Variants in NAALADL2 observed in about 807,000 individuals in gnomAD.
NAALADL2 encodes the protein N-acetylated alpha-linked acidic dipeptidase like 2.
A neutral mutation model predicts 87.2 loss-of-function variants in NAALADL2; 76 were observed. The observed-to-expected ratio is 0.87, with a 90% CI of 0.72 to 1.05. The LOEUF (loss-of-function observed/expected upper bound fraction) is 1.05, where lower values mean the gene tolerates loss of function less well. Among genes scored for constraint, NAALADL2 ranks in the 50% least tolerant of loss-of-function variants. The probability of loss-of-function intolerance (pLI) is 0.00; values close to 1 mark genes in which losing one functional copy is unlikely to be tolerated. For synonymous variants in NAALADL2, 354 were observed against 331.0 expected (o/e 1.07, Z -0.75); for missense variants, 1,089 against 945.8 (o/e 1.15, Z -1.99).
chr3:175,371,504 C>A (rs565132575), intron 5 of NAALADL2, among the ~76,000 whole-genome samples: 1 of 151,982 alleles, frequency 6.6e-6, no homozygotes, highest in African/African-American at 2.4e-5. Context: ...TATTTAGAAA[C>A]CATTCTGTGT....
intron 2 of NAALADL2, among the ~76,000 whole-genome samples, chr3:175,192,571 G>GT (rs1738370119): frequency 6.6e-6 from 1 of 151,902 alleles, no homozygotes; most frequent in Non-Finnish European, 1.5e-5. Flanking sequence ...TGCCTCCTGA[G>GT]TTTCAAATGG....
chr3:175,244,458 T>G (rs2109667378), intron 3 of NAALADL2, among the ~76,000 whole-genome samples: 1 of 152,310 alleles, frequency 6.6e-6, no homozygotes, highest in Non-Finnish European at 1.5e-5. Flanking sequence ...TTCTTTTTGG[T>G]AAATGTTGAG....
chr3:175,101,829 GT>G (rs1722255999), intron 2 of NAALADL2, among the ~76,000 whole-genome samples: 1 of 151,856 alleles, frequency 6.6e-6, no homozygotes, highest in Non-Finnish European at 1.5e-5. Context: ...AAAATGTGTT[GT>G]TTTCTAATTA....
At chr3:175,625,023 G>A (rs1726786466) in intron 10 of NAALADL2, among the ~76,000 whole-genome samples, 1 of 151,912 alleles carries the variant, frequency 6.6e-6, no homozygotes, top group Non-Finnish European at 1.5e-5. Flanking sequence ...GTATATTTGG[G>A]TAGAATTAAC....
At chr3:175,024,642 T>A (rs186534436) in intron 1 of NAALADL2, among the ~76,000 whole-genome samples, 1 of 152,266 alleles carries the variant, frequency 6.6e-6, no homozygotes, top group East Asian at 1.9e-4. Flanking sequence ...ATAAATTTTT[T>A]AACTAAATCT....
At chr3:174,787,335 T>C (rs963500160) in intron 3 of NAALADL2, among the ~76,000 whole-genome samples, 7 of 151,246 alleles carry the variant, frequency 4.6e-5, no homozygotes, top group African/African-American at 1.7e-4. Context: ...ATTTGTAGAC[T>C]TTGCAAAGCT....
At chr3:175,593,985 T>A (rs2149613249) in intron 10 of NAALADL2, among the ~76,000 whole-genome samples, 1 of 152,046 alleles carries the variant, frequency 6.6e-6, no homozygotes, top group East Asian at 1.9e-4. Flanking sequence ...GCTATTCTTT[T>A]TTTTTTTTTA....
At chr3:175,506,241 T>C (rs955931374) in intron 9 of NAALADL2, among the ~76,000 whole-genome samples, 2 of 152,248 alleles carry the variant, frequency 1.3e-5, no homozygotes, top group Non-Finnish European at 2.9e-5. Context: ...CAGTTTATCT[T>C]CTGCAGTATG....
chr3:175,482,300 T>C (rs1726591243), intron 9 of NAALADL2, among the ~76,000 whole-genome samples: 1 of 151,906 alleles, frequency 6.6e-6, no homozygotes, highest in Non-Finnish European at 1.5e-5. Context: ...CTGTTGACTA[T>C]TAAATTTCCA....
intron 2 of NAALADL2, among the ~76,000 whole-genome samples, chr3:174,616,535 C>G (rs749901283): frequency 1.3e-5 from 2 of 151,898 alleles, no homozygotes; most frequent in Non-Finnish European, 2.9e-5. Context: ...ATTTCTAGTA[C>G]TAAGAAATGT....
chr3:174,795,073 C>T lies in NAALADL2; in HGVS notation c.-9+57327C>T, dbSNP rs1717927796. ...ATGGCATGATCTCGGCACACCACAA[C>T]CTCCGCCTCCCAGGTTCAAACAATT... On this transcript the variant is annotated intron_variant, in intron 3 of 3. Coordinates refer to the NAALADL2 transcript ENST00000434257. Among the ~76,000 whole-genome samples the T allele has an allele frequency of 2.1e-5, 3 of 144,822 alleles. No individual in the cohort carries two copies. In the Admixed American group the frequency reaches 2.2e-4, roughly 10 times the overall value.
chr3:174,816,851 C>G (rs977856130), intron 3 of NAALADL2, among the ~76,000 whole-genome samples: 2 of 152,152 alleles, frequency 1.3e-5, no homozygotes, highest in African/African-American at 4.8e-5. Flanking sequence ...TTTCTAAAAC[C>G]AGCTCAATGA....
chr3:174,635,252 A>G (rs1354926256), intron 2 of NAALADL2, among the ~76,000 whole-genome samples: 1 of 152,174 alleles, frequency 6.6e-6, no homozygotes, highest in African/African-American at 2.4e-5. Context: ...ACCATCTGTT[A>G]TTAACCTAAG....
At chr3:175,503,702 T>A (rs1729872194) in intron 9 of NAALADL2, among the ~76,000 whole-genome samples, 1 of 145,532 alleles carries the variant, frequency 6.9e-6, no homozygotes. Context: ...TGTTTTCACA[T>A]GCTTGTTGGC....
chr3:174,809,757 T>A (rs1213373034), intron 3 of NAALADL2, among the ~76,000 whole-genome samples: 1 of 152,216 alleles, frequency 6.6e-6, no homozygotes, highest in African/African-American at 2.4e-5. Flanking sequence ...AAAATTGTGA[T>A]ATTATTTGTA....
chr3:175,642,664 C>A (rs1000728133), intron 11 of NAALADL2, among the ~76,000 whole-genome samples: 1 of 152,136 alleles, frequency 6.6e-6, no homozygotes, highest in Non-Finnish European at 1.5e-5. Flanking sequence ...CCACGCCCAG[C>A]TAATTTTGTG....
At chr3:175,065,736 G>C (rs897304845) in intron 1 of NAALADL2, among the ~76,000 whole-genome samples, 2 of 152,194 alleles carry the variant, frequency 1.3e-5, no homozygotes, top group South Asian at 2.1e-4. Flanking sequence ...AGAGTCAGAA[G>C]TCACTATGAG....
chr3:174,854,599 T>G (rs1198266197), upstream of NAALADL2, among the ~76,000 whole-genome samples: 1 of 152,084 alleles, frequency 6.6e-6, no homozygotes, highest in Non-Finnish European at 1.5e-5. Flanking sequence ...TATGCTAATA[T>G]CCATTACACA....
chr3:174,643,018 G>A (rs929869572), intron 2 of NAALADL2, among the ~76,000 whole-genome samples: 1 of 151,998 alleles, frequency 6.6e-6, no homozygotes, highest in African/African-American at 2.4e-5. Context: ...CTGGGTTCAA[G>A]CAATCCTCCT....
Sources: allele counts gnomAD v4.1 joint callset (sites outside exome capture counted in the v4.1 genomes callset), GRCh38; gene constraint gnomAD v4.1.1; transcripts MANE v1.5; gene names NCBI Gene and HGNC (gene_info 2026-07-23, HGNC 2026-07-21).